Variants in FHIT observed in about 807,000 individuals in gnomAD.
The protein encoded by FHIT is fragile histidine triad diadenosine triphosphatase, also known as bis(5'-adenosyl)-triphosphatase.
In FHIT, 19 loss-of-function variants were observed where a neutral mutation model predicts 17.9. That is an observed-to-expected ratio of 1.06 (90% CI 0.74 to 1.56). The LOEUF (loss-of-function observed/expected upper bound fraction) is 1.56. FHIT is among the 40% of genes most tolerant of loss of function. The pLI, the probability that FHIT is intolerant of heterozygous loss-of-function variation, is 0.00. For missense variants in FHIT, 248 were observed against 189.2 expected (o/e 1.31, Z -1.82); for synonymous variants, 81 against 69.7 (o/e 1.16, Z -0.81).
chr3:60,090,572 C>T (rs1703687822), intron 5 of FHIT, among the ~76,000 whole-genome samples: 1 of 152,284 alleles, frequency 6.6e-6, no homozygotes, highest in African/African-American at 2.4e-5. Context: ...CTTCTTCTGA[C>T]ACCCACAAGT....
intron 3 of FHIT, among the ~76,000 whole-genome samples, chr3:61,027,114 T>A (rs1221521684): frequency 1.3e-5 from 2 of 151,998 alleles, no homozygotes; most frequent in African/African-American, 4.8e-5. Context: ...TGAGATGGAG[T>A]CTGGCTCTGT....
At chr3:60,688,429 T>A (rs1264838849) in intron 4 of FHIT, among the ~76,000 whole-genome samples, 1 of 146,496 alleles carries the variant, frequency 6.8e-6, no homozygotes, top group African/African-American at 2.7e-5. Context: ...GTTTTGTGTT[T>A]TTTTTTTTGT....
chr3:60,041,839 G>C (rs574097400), intron 5 of FHIT, among the ~76,000 whole-genome samples: 1 of 152,172 alleles, frequency 6.6e-6, no homozygotes, highest in East Asian at 1.9e-4. Flanking sequence ...GAAATAAGGA[G>C]GTTTACCCAT....
chr3:59,906,144 CTA>C (rs1704575155), intron 8 of FHIT, among the ~76,000 whole-genome samples: 1 of 152,144 alleles, frequency 6.6e-6, no homozygotes, highest in Non-Finnish European at 1.5e-5. Flanking sequence ...GGCATTTGCT[CTA>C]TGAGAATAAC....
chr3:59,916,122 T>A (rs1007029824), intron 8 of FHIT, among the ~76,000 whole-genome samples: 1 of 152,102 alleles, frequency 6.6e-6, no homozygotes, highest in African/African-American at 2.4e-5. Context: ...CCACCCTCAA[T>A]CTTGGTGGGC....
chr3:60,135,560 C>T (rs1184328755), intron 5 of FHIT, among the ~76,000 whole-genome samples: 1 of 152,106 alleles, frequency 6.6e-6, no homozygotes, highest in Non-Finnish European at 1.5e-5. Context: ...AACATTTCAA[C>T]ATTTGTTGAG....
chr3:60,580,719 C>T (rs1041229549), intron 4 of FHIT, among the ~76,000 whole-genome samples: 9 of 152,120 alleles, frequency 5.9e-5, no homozygotes, highest in African/African-American at 2.2e-4. Flanking sequence ...TCAGGTAAGT[C>T]ACTTCTTCCT....
intron 5 of FHIT, among the ~76,000 whole-genome samples, chr3:60,079,978 C>T (rs779474344): frequency 3.3e-5 from 5 of 152,026 alleles, no homozygotes; most frequent in Non-Finnish European, 5.9e-5. Context: ...ATATTATAAA[C>T]TATCATTTAC....
intron 5 of FHIT, among the ~76,000 whole-genome samples, chr3:60,041,239 C>T (rs955086047): frequency 6.6e-6 from 1 of 152,314 alleles, no homozygotes; most frequent in African/African-American, 2.4e-5. Context: ...CAGACTCTCA[C>T]TTGCACAGGG....
rs551170369 is a variant in FHIT at position 60,165,302 on chromosome 3, T to G, written c.104-151150A>C. 1.8e-4 allele frequency among the ~76,000 whole-genome samples: 28 copies of G among 152,322 alleles called. No homozygotes were observed. In the South Asian group the frequency reaches 1.9e-3, roughly 10 times the overall value. On this transcript the variant is annotated intron_variant, in intron 5 of 9. Transcript: ENST00000492590. ...CCAAGCATTCACCCTGTTGTTTCCA[T>G]GTCTGTTATTTCCACCAGAAGAATG...
At chr3:60,325,833 T>TC (rs766149643) in intron 5 of FHIT, among the ~76,000 whole-genome samples, 2 of 152,222 alleles carry the variant, frequency 1.3e-5, no homozygotes, top group Non-Finnish European at 2.9e-5. Context: ...TATAGGATAA[T>TC]CATGTTATGT....
At chr3:60,210,679 A>G (rs1559730641) in intron 5 of FHIT, among the ~76,000 whole-genome samples, 1 of 152,192 alleles carries the variant, frequency 6.6e-6, no homozygotes, top group Non-Finnish European at 1.5e-5. Context: ...TGACAAATGC[A>G]ATCGAAAACA....
intron 4 of FHIT, among the ~76,000 whole-genome samples, chr3:60,686,200 A>C (rs2040858793): frequency 6.6e-6 from 1 of 152,070 alleles, no homozygotes; most frequent in Non-Finnish European, 1.5e-5. Context: ...TTAGCAGTGC[A>C]GTTTCATGTA....
intron 1 of FHIT, among the ~76,000 whole-genome samples, chr3:61,222,283 A>G (rs2039859840): frequency 6.6e-6 from 1 of 152,236 alleles, no homozygotes; most frequent in Non-Finnish European, 1.5e-5. Context: ...GTCCCTGACC[A>G]CTGGAACACA....
intron 4 of FHIT, among the ~76,000 whole-genome samples, chr3:60,595,532 C>CATAT (rs60827524): frequency 0.15 from 22,486 of 148,784 alleles, 3,685 homozygotes; most frequent in African/African-American, 0.41. Flanking sequence ...GACACACACA[C>CATAT]ATATATATGT....
intron 3 of FHIT, among the ~76,000 whole-genome samples, chr3:61,021,526 G>A (rs1228496064): frequency 1.4e-5 from 2 of 145,766 alleles, no homozygotes; most frequent in African/African-American, 5.0e-5. Flanking sequence ...GTGAACCCGG[G>A]AGGCGGAGCT....
chr3:61,045,954 G>T (rs773473563), intron 2 of FHIT, among the ~76,000 whole-genome samples: 1 of 151,946 alleles, frequency 6.6e-6, no homozygotes, highest in Non-Finnish European at 1.5e-5. Flanking sequence ...GAACAAAGAC[G>T]CAACATACTA....
intron 5 of FHIT, among the ~76,000 whole-genome samples, chr3:60,265,593 TA>T (rs969162695): frequency 6.6e-6 from 1 of 151,890 alleles, no homozygotes; most frequent in Non-Finnish European, 1.5e-5. Flanking sequence ...CATCAAAATG[TA>T]AAAGTTTGTA....
intron 4 of FHIT, among the ~76,000 whole-genome samples, chr3:60,538,097 C>T (rs552817021): frequency 4.4e-4 from 67 of 152,208 alleles, no homozygotes; most frequent in African/African-American, 1.4e-3. Flanking sequence ...TAGGTAGCTT[C>T]AGGATGGGGT....
Sources: gnomAD v4.1 joint callset for allele counts (sites outside exome capture counted in the v4.1 genomes callset) on GRCh38, gnomAD v4.1.1 for gene constraint, MANE v1.5 for transcripts, NCBI Gene and HGNC (gene_info 2026-07-23, HGNC 2026-07-21) for gene names.